Variants in NT5DC1 observed in about 807,000 individuals in gnomAD.
The protein encoded by NT5DC1 is 5'-nucleotidase domain-containing protein 1.
NT5DC1 carries 42 observed loss-of-function variants against 59.4 expected under a neutral mutation model. The observed-to-expected ratio is 0.71, with a 90% CI of 0.55 to 0.92. NT5DC1 has a LOEUF of 0.92. Ranked by LOEUF, NT5DC1 falls within the 40% of genes least tolerant of loss-of-function variation. The pLI is 0.00. For synonymous variants in NT5DC1, 172 were observed against 188.1 expected (o/e 0.91, Z 0.70); for missense variants, 501 against 537.1 (o/e 0.93, Z 0.66).
At position 116,175,913 on chromosome 6, in the gene NT5DC1, A is replaced by G. The variant is rs140504864; in HGVS notation, c.530-45141A>G. 1.0e-3 allele frequency among the ~76,000 whole-genome samples: 159 copies of G among 152,008 alleles called. 1 individual carries two copies. Among genetic ancestry groups the G allele is most frequent in the African/African-American group, 3.7e-3 (155 of 41,458 alleles). ...ATGAATCATCTGTGAGTCTGTGTCT[A>G]TTGATTAACTTGTCTTTTAGCGCTG... is the stretch of plus-strand genomic sequence containing the variant. On this transcript the variant is annotated intron_variant, in intron 6 of 11. Transcript: ENST00000319550.
Position 116,161,092 on chromosome 6 carries a change from C to CA in NT5DC1, c.529+43153dup, listed in dbSNP as rs1266039092. On this transcript the variant is annotated intron_variant, in intron 6 of 11. Coordinates refer to ENST00000319550, the MANE Select transcript of NT5DC1 (RefSeq NM_152729.3). ...CATTCTCAGTAAACTATCGTAAGAA[C>CA]AAAAAACCAAACACCGCATGTTCTC... Among the ~76,000 whole-genome samples the CA allele has an allele frequency of 3.3e-5, 5 of 149,900 alleles. No individual in the cohort carries two copies. The East Asian group carries it at 8.0e-4, about 24-fold the overall frequency.
chr6:116,171,663 A>G (rs973881710), intron 6 of NT5DC1, among the ~76,000 whole-genome samples: 6 of 152,188 alleles, frequency 3.9e-5, no homozygotes, highest in African/African-American at 9.7e-5. Flanking sequence ...GGTATCCCCT[A>G]TACTTTTCTC....
chr6:116,149,773 A>G (rs1779989949), intron 6 of NT5DC1, among the ~76,000 whole-genome samples: 1 of 152,246 alleles, frequency 6.6e-6, no homozygotes, highest in Non-Finnish European at 1.5e-5. Flanking sequence ...TGAAAGAGTT[A>G]TGAAATCAGA....
chr6:116,207,605 A>G (rs1781484107), intron 6 of NT5DC1, among the ~76,000 whole-genome samples: 1 of 151,996 alleles, frequency 6.6e-6, no homozygotes, highest in East Asian at 1.9e-4. Context: ...AAATATATAA[A>G]CTTGTTGCAT....
At chr6:116,199,899 T>G (rs1781309627) in intron 6 of NT5DC1, among the ~76,000 whole-genome samples, 1 of 151,874 alleles carries the variant, frequency 6.6e-6, no homozygotes, top group Non-Finnish European at 1.5e-5. Flanking sequence ...CAAAATAGTT[T>G]ATGCACACAT....
At chr6:116,170,128 A>G (rs1200816598) in intron 6 of NT5DC1, among the ~76,000 whole-genome samples, 16 of 152,082 alleles carry the variant, frequency 1.1e-4, no homozygotes, top group Non-Finnish European at 2.4e-4. Context: ...GGAAATTAGG[A>G]AGTGGATATG....
chr6:116,167,789 T>C (rs1338534154), intron 6 of NT5DC1, among the ~76,000 whole-genome samples: 3 of 152,212 alleles, frequency 2.0e-5, no homozygotes, highest in Non-Finnish European at 4.4e-5. Flanking sequence ...TTGTTATGAA[T>C]AGATATGATT....
Position 116,118,331 on chromosome 6 carries a change from G to T in NT5DC1, c.529+386G>T, listed in dbSNP as rs189894697. 2.6e-3 allele frequency among the ~76,000 whole-genome samples: 397 copies of T among 152,276 alleles called. 10 individuals are homozygous for T. The South Asian group carries it at 0.043, about 17-fold the overall frequency. ...GTCTGCCGGCAGAAATTTTGTTCTT[G>T]TTGCTTAAGGAACAAAACTGGCTGA... On this transcript the variant is annotated intron_variant, in intron 6 of 11. Transcript: ENST00000319550.
chr6:116,209,658 A>C (rs1781533142), intron 6 of NT5DC1, among the ~76,000 whole-genome samples: 1 of 151,808 alleles, frequency 6.6e-6, no homozygotes, highest in Non-Finnish European at 1.5e-5. Context: ...GAAGGGAGAT[A>C]ATATTTATGC....
Position 116,200,075 on chromosome 6 carries a change from A to G in NT5DC1, c.530-20979A>G, listed in dbSNP as rs1781315683. Among the ~76,000 whole-genome samples, 5 of 152,110 alleles carry G rather than the reference A, an allele frequency of 3.3e-5. No homozygotes were observed. In the South Asian group the frequency reaches 8.3e-4, roughly 25 times the overall value. Reference sequence around the variant, plus strand: ...GGCCAAATCATCCAGGTCAACATCAACAGTGACCCTTAATAGTATATACCC... The same window carrying G: ...GGCCAAATCATCCAGGTCAACATCAGCAGTGACCCTTAATAGTATATACCC... On this transcript the variant is annotated intron_variant, in intron 6 of 11. Coordinates refer to ENST00000319550, the MANE Select transcript of NT5DC1 (RefSeq NM_152729.3).
At chr6:116,164,685 G>A (rs1306304245) in intron 6 of NT5DC1, among the ~76,000 whole-genome samples, 2 of 152,100 alleles carry the variant, frequency 1.3e-5, no homozygotes, top group South Asian at 4.1e-4. Flanking sequence ...TTGTACTTAC[G>A]TGTGCTTTTG....
chr6:116,129,241 C>G (rs560723773), intron 6 of NT5DC1, among the ~76,000 whole-genome samples: 1 of 152,038 alleles, frequency 6.6e-6, no homozygotes, highest in Non-Finnish European at 1.5e-5. Context: ...TATGTATACA[C>G]ATGTCTATAT....
chr6:116,134,312 T>TA (rs1779537162), intron 6 of NT5DC1, among the ~76,000 whole-genome samples: 1 of 152,214 alleles, frequency 6.6e-6, no homozygotes, highest in African/African-American at 2.4e-5. Flanking sequence ...CTCATGGAGA[T>TA]AAACGCCAGA....
chr6:116,221,331 A>G, intron 7 of NT5DC1, 103 bp downstream of exon 7: 2 of 705,446 alleles, frequency 2.8e-6, no homozygotes, highest in Non-Finnish European at 2.4e-6. Context: ...TCATTATTTT[A>G]AACAATGCTG....
At position 116,238,202 on chromosome 6, in the gene NT5DC1, GA is replaced by G; in HGVS notation, c.938del (p.Asp313AlafsTer42). 6.2e-7 allele frequency: 1 copy of G among 1,608,922 alleles called. No individual in the cohort carries two copies. Among genetic ancestry groups the G allele is most frequent in the East Asian group, 2.2e-5 (1 of 44,596 alleles). On this transcript the variant is annotated frameshift_variant, in exon 10 of 12. Coordinates refer to ENST00000319550, the MANE Select transcript of NT5DC1 (RefSeq NM_152729.3). LOFTEE classifies it high-confidence loss of function. Reference protein sequence around the residue: ...KPEPKVVYFGDSMHSDIFPAR... With the variant: ...KPEPKVVYFGXSMHSDIFPAR... The stretch of plus-strand genomic sequence containing the variant: ...TGTCTTACAGGTTGTTTATTTTGGT[GA>G]CAGCATGCATTCAGATATTTTCCCA...
intron 6 of NT5DC1, among the ~76,000 whole-genome samples, chr6:116,182,178 C>G (rs1179050424): frequency 6.6e-6 from 1 of 150,856 alleles, no homozygotes; most frequent in African/African-American, 2.4e-5. Flanking sequence ...GCTACAAATG[C>G]CATTATTTCA....
intron 3 of NT5DC1, among the ~76,000 whole-genome samples, chr6:116,108,699 A>T (rs1486091582): frequency 6.6e-6 from 1 of 152,214 alleles, no homozygotes; most frequent in African/African-American, 2.4e-5. Context: ...ATAACCTGCT[A>T]CGTCTCATTG....
intron 8 of NT5DC1, among the ~76,000 whole-genome samples, chr6:116,229,889 C>A (rs1256070434): frequency 6.6e-6 from 1 of 152,178 alleles, no homozygotes; most frequent in Non-Finnish European, 1.5e-5. Context: ...TCCTGAGTCT[C>A]ATACGCAGTT....
rs947917282 is a variant in NT5DC1, at chr6:116,244,223, T to TA, written c.*200dup. 105 of 396,436 alleles carry TA rather than the reference T, an allele frequency of 2.6e-4. No homozygotes were observed. The highest frequency in any genetic ancestry group is 2.1e-3 in the African/African-American group (102 of 48,336). The allele number at this position is 396,436 out of a possible 1,614,324, so 24.6% of individuals were successfully genotyped here. On this transcript the variant is annotated 3_prime_UTR_variant, in exon 12 of 12. Coordinates refer to ENST00000319550, the MANE Select transcript of NT5DC1 (RefSeq NM_152729.3). ...ATTAAAATCTCAGTATCCTAAAACT[T>TA]AGAACCTTATTGATATTTTCTATAC...
Sources: gnomAD v4.1 joint callset for allele counts (sites outside exome capture counted in the v4.1 genomes callset) on GRCh38, gnomAD v4.1.1 for gene constraint, MANE v1.5 for transcripts, NCBI Gene and HGNC (gene_info 2026-07-23, HGNC 2026-07-21) for gene names.